The following SKAP1 variants were observed in gnomAD, a reference collection of about 807,000 sequenced individuals.
SKAP1 encodes src kinase-associated phosphoprotein 1.
SKAP1 carries 44 observed loss-of-function variants against 58.5 expected under a neutral mutation model. The observed-to-expected ratio is 0.75, with a 90% CI of 0.59 to 0.97. The LOEUF is 0.97. Among genes scored for constraint, SKAP1 ranks in the 50% least tolerant of loss-of-function variants. The pLI is 0.00. For synonymous variants in SKAP1, 127 were observed against 149.7 expected (o/e 0.85, Z 1.11); for missense variants, 390 against 435.2 (o/e 0.90, Z 0.92).
chr17:48,391,790 T>A (rs1380434532), intron 2 of SKAP1, among the ~76,000 whole-genome samples: 1 of 150,912 alleles, frequency 6.6e-6, no homozygotes, highest in Non-Finnish European at 1.5e-5. Flanking sequence ...CTTCCTTTTT[T>A]TTTTTTTTTT....
In SKAP1 at chr17:48,154,362, C is replaced by T. The variant is rs200531281; in HGVS notation, c.978+8107G>A. On this transcript the variant is annotated intron_variant, in intron 11 of 12. Coordinates refer to ENST00000336915, the MANE Select transcript of SKAP1 (RefSeq NM_003726.4). ...AAACTTGACTTTGTCTGTATGGCTC[C>T]CTGTTTCCACATCAATTCCATCAGC... Among the ~76,000 whole-genome samples the T allele has an allele frequency of 5.3e-5, 8 of 152,314 alleles. No individual in the cohort carries two copies. The East Asian group carries it at 7.7e-4, about 15-fold the overall frequency.
At position 48,199,403 on chromosome 17, in the gene SKAP1, C is replaced by T. The variant is rs35132851; in HGVS notation, c.281-9903G>A. Among the ~76,000 whole-genome samples the T allele has an allele frequency of 1.8e-3, 274 of 152,336 alleles. 1 individual carries two copies. The highest frequency in any genetic ancestry group is 5.9e-3 in the African/African-American group (247 of 41,578). On this transcript the variant is annotated intron_variant, in intron 4 of 12. Coordinates refer to ENST00000336915, the MANE Select transcript of SKAP1 (RefSeq NM_003726.4). ...AAGGAACAGACTCTGTCCTGTGGAA[C>T]ATGCCATGCACTTTACACTGCCAGG...
At chr17:48,324,397 T>C (rs1417973259) in intron 4 of SKAP1, among the ~76,000 whole-genome samples, 1 of 152,132 alleles carries the variant, frequency 6.6e-6, no homozygotes, top group African/African-American at 2.4e-5. Context: ...CCAGGAACTA[T>C]ATTATTTCCA....
At chr17:48,441,260 A>G in the SKAP1 span, among the ~76,000 whole-genome samples, 8 of 152,346 alleles carry the variant, frequency 5.3e-5, no homozygotes, top group African/African-American at 1.7e-4. Context: ...TCAGAATTTC[A>G]GAGCTGGAAG....
chr17:48,221,945 G>A (rs559768731), intron 4 of SKAP1, among the ~76,000 whole-genome samples: 1 of 152,286 alleles, frequency 6.6e-6, no homozygotes, highest in African/African-American at 2.4e-5. Flanking sequence ...GATAAAGGAG[G>A]GAGAAAGCCC....
At chr17:48,318,065 C>T (rs1192310285) in intron 4 of SKAP1, among the ~76,000 whole-genome samples, 1 of 152,120 alleles carries the variant, frequency 6.6e-6, no homozygotes, top group African/African-American at 2.4e-5. Flanking sequence ...GACACATGAA[C>T]AATACCACTG....
chr17:48,198,427 C>A (rs186161343), intron 4 of SKAP1, among the ~76,000 whole-genome samples: 243 of 118,914 alleles, frequency 2.0e-3, no homozygotes, highest in African/African-American at 7.3e-3. Flanking sequence ...TGCACTCCAA[C>A]CTGGGAGACA....
chr17:48,175,309 C>A (rs1241313355), intron 9 of SKAP1, among the ~76,000 whole-genome samples: 1 of 152,164 alleles, frequency 6.6e-6, no homozygotes. Context: ...AAATGTGCAA[C>A]CAGATGTCAA....
intron 4 of SKAP1, among the ~76,000 whole-genome samples, chr17:48,235,813 T>C (rs1168112913): frequency 6.6e-6 from 1 of 152,216 alleles, no homozygotes; most frequent in Non-Finnish European, 1.5e-5. Context: ...CCAGTAATCA[T>C]AGCTCTTTCT....
intron 4 of SKAP1, among the ~76,000 whole-genome samples, chr17:48,210,142 A>G (rs962537748): frequency 2.6e-5 from 4 of 152,200 alleles, no homozygotes; most frequent in African/African-American, 9.7e-5. Context: ...GAGTAGAGGT[A>G]GATAACTGAC....
chr17:48,246,720 A>G (rs2065301029), intron 4 of SKAP1, among the ~76,000 whole-genome samples: 1 of 152,042 alleles, frequency 6.6e-6, no homozygotes, highest in Non-Finnish European at 1.5e-5. Flanking sequence ...TAATCACCCA[A>G]TCCTGCTGGT....
At chr17:48,406,245 CA>C (rs1262663075) in intron 1 of SKAP1, among the ~76,000 whole-genome samples, 4 of 151,470 alleles carry the variant, frequency 2.6e-5, no homozygotes, top group African/African-American at 9.7e-5. Flanking sequence ...AGCCTGGCGA[CA>C]GAGCAAGACT....
At chr17:48,368,648 A>G (rs1335454333) in intron 2 of SKAP1, among the ~76,000 whole-genome samples, 1 of 152,184 alleles carries the variant, frequency 6.6e-6, no homozygotes, top group Admixed American at 6.5e-5. Flanking sequence ...GACGATGCAA[A>G]TGATATTTGG....
At chr17:48,329,443 G>A (rs1192951675) in intron 4 of SKAP1, among the ~76,000 whole-genome samples, 1 of 152,202 alleles carries the variant, frequency 6.6e-6, no homozygotes, top group African/African-American at 2.4e-5. Context: ...GGTGGCTCAC[G>A]CCTATAATCC....
intron 1 of SKAP1, among the ~76,000 whole-genome samples, chr17:48,421,287 TAG>T (rs965115385): frequency 9.5e-5 from 14 of 147,820 alleles, no homozygotes; most frequent in Non-Finnish European, 1.8e-4. Context: ...ACACACAAAA[TAG>T]AGTGTTCTTT....
intron 2 of SKAP1, among the ~76,000 whole-genome samples, chr17:48,376,246 A>G (rs570938349): frequency 6.6e-6 from 1 of 152,138 alleles, no homozygotes; most frequent in South Asian, 2.1e-4. Context: ...ACTGTGGCCC[A>G]TATACTCACT....
intron 4 of SKAP1, among the ~76,000 whole-genome samples, chr17:48,202,682 C>T (rs924513014): frequency 3.9e-5 from 6 of 152,022 alleles, no homozygotes; most frequent in Non-Finnish European, 7.4e-5. Flanking sequence ...AATTTTCCAA[C>T]CAAATCACCA....
intron 4 of SKAP1, among the ~76,000 whole-genome samples, chr17:48,214,646 G>A (rs533402168): frequency 1.4e-5 from 2 of 147,380 alleles, no homozygotes; most frequent in African/African-American, 5.0e-5. Context: ...TCTAAAATTA[G>A]AGGCTGGGCT....
chr17:48,442,817 C>G, the SKAP1 span, among the ~76,000 whole-genome samples: 1 of 152,194 alleles, frequency 6.6e-6, no homozygotes, highest in African/African-American at 2.4e-5. Flanking sequence ...CCATTTTCCA[C>G]CCTAAAACCA....
Sources: allele counts gnomAD v4.1 joint callset (sites outside exome capture counted in the v4.1 genomes callset), GRCh38; gene constraint gnomAD v4.1.1; transcripts MANE v1.5; gene names NCBI Gene and HGNC (gene_info 2026-07-23, HGNC 2026-07-21).